The following C2CD2 variants were observed in gnomAD, a reference collection of about 807,000 sequenced individuals.
C2CD2 encodes C2 calcium dependent domain containing 2.
In C2CD2, 43 loss-of-function variants were observed where a neutral mutation model predicts 74.3. The ratio of observed to expected loss-of-function variants is 0.58; its 90% confidence interval spans 0.45 to 0.75. C2CD2 has a LOEUF of 0.75. C2CD2 is among the 30% of genes least tolerant of loss of function. C2CD2 has a pLI of 0.00. For missense variants in C2CD2, 801 were observed against 916.3 expected (o/e 0.87, Z 1.63); for synonymous variants, 422 against 390.7 (o/e 1.08, Z -0.94).
At position 41,918,204 on chromosome 21, in the gene C2CD2, C is replaced by T. The variant is rs371066565; in HGVS notation, c.621G>A (p.Ala207=). The T allele has an allele frequency of 4.0e-5, 65 of 1,613,978 alleles. No homozygotes were observed. In the East Asian group the frequency reaches 1.2e-3, roughly 29 times the overall value. Residue 207 remains alanine (A), a synonymous_variant, in exon 5 of 14, where the codon GCG becomes GCA. Transcript: ENST00000380486. ...AGATGTCCTTGAGAACGTCAGACAT[C>T]GCACTTGTCTCAGCCACCTGGTCCT... ...LGEDQVAETS[A]MSDVLKDILK...
intron 13 of C2CD2, chr21:41,894,627 G>T (rs756664055): frequency 2.2e-6 from 1 of 455,562 alleles, no homozygotes; most frequent in Non-Finnish European, 4.4e-6. Flanking sequence ...AATCCTGCAA[G>T]GACTCGGGCG....
chr21:41,898,863 A>G (rs1032959470), intron 13 of C2CD2, among the ~76,000 whole-genome samples, 190 bp downstream of exon 13: 2 of 152,194 alleles, frequency 1.3e-5, no homozygotes, highest in Non-Finnish European at 2.9e-5. Flanking sequence ...CTCCCACAGA[A>G]GGACCGGCAG....
rs1400783679 is a variant in C2CD2 at position 41,948,884 on chromosome 21, TTTTTTTTTC to T, written c.279+4477_279+4485del. Among the ~76,000 whole-genome samples the T allele has an allele frequency of 4.0e-4, 51 of 128,316 alleles. 2 individuals are homozygous for T. The highest frequency in any genetic ancestry group is 5.2e-4 in the Non-Finnish European group (31 of 59,116). The allele number at this position is 128,316 out of a possible 152,430, so 84.2% of individuals were successfully genotyped here. On this transcript the variant is annotated intron_variant, in intron 1 of 13. Coordinates refer to ENST00000380486, the MANE Select transcript of C2CD2 (RefSeq NM_015500.2). Reference sequence around the variant, plus strand: ...CCACACAGCATCTTTTTTTTTTTTTTTTTTTTTTCTTTTTTTTTACAAAGACCATAATGA... The same window carrying T: ...CCACACAGCATCTTTTTTTTTTTTTTTTTTTTTTTACAAAGACCATAATGA...
rs979197906 is a variant in C2CD2 at position 41,923,543 on chromosome 21, G to C, written c.379-1458C>G. ...GCGATCATGGTTTTCAAAAAGGTGG[G>C]AGTAATTGGAAAAACATACAAAGTA... On this transcript the variant is annotated intron_variant, in intron 2 of 13. Transcript: ENST00000380486. The surrounding 1 kb of genome is among the most constrained non-coding windows in gnomAD (Gnocchi z 5.8). 6.6e-6 allele frequency among the ~76,000 whole-genome samples: 1 copy of C among 152,176 alleles called. No individual in the cohort carries two copies. Among genetic ancestry groups the C allele is most frequent in the African/African-American group, 2.4e-5 (1 of 41,454 alleles).
chr21:41,921,905 T>C, intron 3 of C2CD2, 67 bp downstream of exon 3: 1 of 950,864 alleles, frequency 1.1e-6, no homozygotes, highest in Non-Finnish European at 1.7e-6. Flanking sequence ...ACTCACACCA[T>C]GCTCACTCTT....
chr21:41,919,859 C>T (rs895210390), intron 3 of C2CD2, among the ~76,000 whole-genome samples: 2 of 152,118 alleles, frequency 1.3e-5, no homozygotes, highest in Admixed American at 6.5e-5. Context: ...TTGGCAGGTG[C>T]GACAGGGAGA....
chr21:41,914,821 G>T, intron 5 of C2CD2, 100 bp from the exon 6 acceptor site: 1 of 998,798 alleles, frequency 1.0e-6, no homozygotes, highest in Non-Finnish European at 1.5e-6. Context: ...GTGGCAGTGG[G>T]GTGTCTACAG....
chr21:41,905,868 G>A lies in C2CD2; in HGVS notation c.1319-31C>T, dbSNP rs776001591. On this transcript the variant is annotated intron_variant, in intron 10 of 13. Transcript: ENST00000380486. ...AGAGGAAGATCCTGATTACAAAAGCGGCCCCGTGGCTGACTGGATCAACAG... is the reference window on the plus strand; with the variant it reads ...AGAGGAAGATCCTGATTACAAAAGCAGCCCCGTGGCTGACTGGATCAACAG... The A allele has an allele frequency of 1.2e-5, 15 of 1,201,420 alleles. 1 individual carries two copies. Among genetic ancestry groups the A allele is most frequent in the African/African-American group, 6.0e-5 (4 of 66,658 alleles). The allele number at this position is 1,201,420 out of a possible 1,614,324, so 74.4% of individuals were successfully genotyped here. A position where few individuals can be genotyped will look rare whatever the true frequency, so the allele number is the denominator to read the frequency against.
intron 13 of C2CD2, among the ~76,000 whole-genome samples, chr21:41,890,130 T>C (rs73906133): frequency 0.012 from 1,772 of 152,322 alleles, 32 homozygotes; most frequent in African/African-American, 0.04. Context: ...AACAATGGTA[T>C]TCACTTTCTT....
chr21:41,886,413 T>C lies in C2CD2; in HGVS notation c.*2711A>G, dbSNP rs1247488589. 4 of 152,238 alleles carry C rather than the reference T, an allele frequency of 2.6e-5. No homozygotes were observed. Among genetic ancestry groups the C allele is most frequent in the African/African-American group, 9.6e-5 (4 of 41,460 alleles). 9.4% of individuals were successfully genotyped at this position (152,238 alleles called of 1,614,324 possible). A position where few individuals can be genotyped will look rare whatever the true frequency, so the allele number is the denominator to read the frequency against. On this transcript the variant is annotated 3_prime_UTR_variant, in exon 14 of 14. Coordinates refer to ENST00000380486, the MANE Select transcript of C2CD2 (RefSeq NM_015500.2). ...AAAAAACAAACCTGTATAAAACAGC[T>C]TGGAAAACAAACATTCACAGTATCA...
intron 2 of C2CD2, among the ~76,000 whole-genome samples, chr21:41,930,071 G>A (rs542321897): frequency 2.2e-5 from 3 of 134,148 alleles, no homozygotes; most frequent in African/African-American, 7.4e-5. Flanking sequence ...GAGTGTCCAA[G>A]CTGGTGACCA....
chr21:41,896,514 T>C (rs758503253), intron 13 of C2CD2, among the ~76,000 whole-genome samples: 1 of 152,072 alleles, frequency 6.6e-6, no homozygotes. Context: ...AGCTCAGTGG[T>C]GCTGAGTATA....
chr21:41,892,963 G>A lies in C2CD2; in HGVS notation c.1871-3619C>T, dbSNP rs1470853869. On this transcript the variant is annotated intron_variant, in intron 13 of 13. Coordinates refer to ENST00000380486, the MANE Select transcript of C2CD2 (RefSeq NM_015500.2). This position sits in a 1 kb window ranked among gnomAD's most constrained non-coding sequence, Gnocchi z 4.6. ...CGCGCGGTGCGCCCAGGTTAAGAGGGAAATGGGTGTGGAGACAGGCAAGGC... is the reference window on the plus strand; with the variant it reads ...CGCGCGGTGCGCCCAGGTTAAGAGGAAAATGGGTGTGGAGACAGGCAAGGC... Among the ~76,000 whole-genome samples the A allele has an allele frequency of 1.3e-5, 2 of 152,228 alleles. No homozygotes were observed. Among genetic ancestry groups the A allele is most frequent in the Non-Finnish European group, 2.9e-5 (2 of 68,050 alleles).
At chr21:41,910,285 T>G (rs576698389) in intron 7 of C2CD2, among the ~76,000 whole-genome samples, 1 of 152,350 alleles carries the variant, frequency 6.6e-6, no homozygotes, top group East Asian at 1.9e-4. Flanking sequence ...TCTTAATGTG[T>G]TGGTGGTCCC....
chr21:41,917,374 T>C (rs1239567239), intron 5 of C2CD2, among the ~76,000 whole-genome samples: 1 of 152,226 alleles, frequency 6.6e-6, no homozygotes, highest in Non-Finnish European at 1.5e-5. Context: ...TTTATCATGC[T>C]ACATAAAACC....
At chr21:41,937,451 A>G (rs1373551952) in intron 2 of C2CD2, among the ~76,000 whole-genome samples, 3 of 152,246 alleles carry the variant, frequency 2.0e-5, no homozygotes, top group Admixed American at 2.0e-4. Flanking sequence ...AGAATAGAGT[A>G]TATAATACAG....
At chr21:41,932,425 T>C (rs369305346) in intron 2 of C2CD2, among the ~76,000 whole-genome samples, 6 of 118,548 alleles carry the variant, frequency 5.1e-5, no homozygotes. Flanking sequence ...GTGGGGTGGG[T>C]TGGGGAAGTC....
chr21:41,915,174 C>T (rs977213215), intron 5 of C2CD2, among the ~76,000 whole-genome samples: 5 of 152,202 alleles, frequency 3.3e-5, no homozygotes, highest in Non-Finnish European at 7.3e-5. Flanking sequence ...GCTGTCAGCC[C>T]ACACCCATTT....
Position 41,918,900 on chromosome 21 carries a change from C to T in C2CD2, c.553G>A (p.Val185Met). The change falls in exon 4 of 14, where the codon GTG becomes ATG. Residue 185 changes from valine (V) to methionine (M), a missense_variant. Val to Met is a conservative substitution (Grantham distance 21). Coordinates refer to ENST00000380486, the MANE Select transcript of C2CD2 (RefSeq NM_015500.2). The part of the protein sequence containing the change: ...DLQISWSFIS[V>M]PEMAVNIQPK... ...TGGATATTAACGGCCATTTCCGGCA[C>T]ACTGATGAAAGACCAGCTAATCTGG... 1.2e-6 allele frequency: 2 copies of T among 1,614,232 alleles called. No individual in the cohort carries two copies. Among genetic ancestry groups the T allele is most frequent in the South Asian group, 1.1e-5 (1 of 91,090 alleles).
Sources: allele counts gnomAD v4.1 joint callset (sites outside exome capture counted in the v4.1 genomes callset), GRCh38; gene constraint gnomAD v4.1.1; non-coding constraint Gnocchi (gnomAD v3.1); transcripts MANE v1.5; gene names NCBI Gene and HGNC (gene_info 2026-07-23, HGNC 2026-07-21).